The following ZNF208 variants were observed in gnomAD, a reference collection of about 807,000 sequenced individuals.
ZNF208 encodes the protein zinc finger protein 95.
ZNF208 carries 10 observed loss-of-function variants against 12.1 expected under a neutral mutation model. That is an observed-to-expected ratio of 0.83 (90% CI 0.51 to 1.40). The LOEUF is 1.40. ZNF208 is among the 40% of genes most tolerant of loss of function. The pLI is 0.00. For synonymous variants in ZNF208, 497 were observed against 488.4 expected (o/e 1.02, Z -0.23); for missense variants, 1,652 against 1,485.0 (o/e 1.11, Z -1.85).
downstream of ZNF208, among the ~76,000 whole-genome samples, chr19:21,965,042 A>G (rs1443982245): frequency 6.6e-6 from 1 of 151,954 alleles, no homozygotes; most frequent in African/African-American, 2.4e-5. Context: ...TATGTTTAAG[A>G]TTATGGATAC....
chr19:21,964,186 AC>A (rs1183955659), downstream of ZNF208, among the ~76,000 whole-genome samples: 3 of 151,902 alleles, frequency 2.0e-5, no homozygotes, highest in Admixed American at 2.0e-4. Flanking sequence ...AAGATATTGC[AC>A]CAGAGAAAAA....
downstream of ZNF208, among the ~76,000 whole-genome samples, chr19:21,961,314 C>T (rs140437689): frequency 2.6e-3 from 395 of 152,060 alleles, 2 homozygotes; most frequent in African/African-American, 8.5e-3. Context: ...AGGGGGTGTA[C>T]GAACAGGGAG....
In ZNF208 at chr19:21,972,152, C is replaced by G. The variant is rs2214301; in HGVS notation, c.2882G>C (p.Ser961Thr). The G allele has an allele frequency of 9.9e-6, 16 of 1,611,530 alleles. No individual in the cohort carries two copies. The highest frequency in any genetic ancestry group is 1.3e-5 in the African/African-American group (1 of 74,580). Reference sequence around the variant, plus strand: ...TTCAGTATGAATTTTCTTATGATAACTAAGGGTTGAGGATGACTTATAGGC... The same window carrying G: ...TTCAGTATGAATTTTCTTATGATAAGTAAGGGTTGAGGATGACTTATAGGC... ...GKAYKSSSTL[S>T]YHKKIHTEEK... The change falls in exon 4 of 4, where the codon AGT becomes ACT. Residue 961 changes from serine to threonine, a missense_variant. By Grantham distance (58) the Ser-to-Thr change is moderately conservative. Transcript: ENST00000397126.
chr19:21,973,381 T>A lies in ZNF208; in HGVS notation c.1653A>T (p.Lys551Asn). Residue 551 changes from lysine (K) to asparagine (N), a missense_variant, in exon 4 of 4, where the codon AAA (lysine) becomes AAT (asparagine). Around this residue, in one of 3 missense-constraint regions of ZNF208, gnomAD observed 1,239 missense variants for 1,086.2 expected, o/e 1.14. Coordinates refer to ENST00000397126, the MANE Select transcript of ZNF208 (RefSeq NM_007153.3). ...TGCCACATTCTTCACATTTGTAGGGTTTCTCTCCAGTATGAATTACCTTAT... is the reference window on the plus strand; with the variant it reads ...TGCCACATTCTTCACATTTGTAGGGATTCTCTCCAGTATGAATTACCTTAT... The part of the protein sequence containing the change: ...TKHKVIHTGE[K>N]PYKCEECGKA... The A allele has an allele frequency of 6.2e-7, 1 of 1,611,562 alleles. No homozygotes were observed.
rs771183438 is a variant in ZNF208 at position 21,971,393 on chromosome 19, T to C, written c.3641A>G (p.Tyr1214Cys). 4 of 1,610,112 alleles carry C rather than the reference T, an allele frequency of 2.5e-6. No homozygotes were observed. Among genetic ancestry groups the C allele is most frequent in the African/African-American group, 1.3e-5 (1 of 74,904 alleles). The change falls in exon 4 of 4, where the codon TAT (tyrosine) becomes TGT (cysteine). Residue 1214 changes from tyrosine (Y) to cysteine (C), a missense_variant. This residue lies in a region of ZNF208 where 1,239 missense variants were observed against 1,086.2 expected (regional missense o/e 1.14). Coordinates refer to ENST00000397126, the MANE Select transcript of ZNF208 (RefSeq NM_007153.3). ...KAYKWPSTLR[Y>C]HKKIHTGEKP... The stretch of plus-strand genomic sequence containing the variant: ...CTCTCCAGTATGAATTTTCTTGTGA[T>C]ATCTAAGGGTTGAGGGCCACTTATA...
chr19:21,962,206 G>T (rs572218117), downstream of ZNF208, among the ~76,000 whole-genome samples: 3 of 152,052 alleles, frequency 2.0e-5, no homozygotes, highest in South Asian at 6.2e-4. Flanking sequence ...CTCCATTTGG[G>T]GTCCTTGACT....
chr19:21,961,803 T>A (rs1986007), downstream of ZNF208, among the ~76,000 whole-genome samples: 269 of 152,278 alleles, frequency 1.8e-3, 2 homozygotes, highest in Middle Eastern at 0.027. Flanking sequence ...ATGGCTCTAT[T>A]CTGCCCTACC....
At chr19:21,962,880 G>A (rs1338904587), downstream of ZNF208, among the ~76,000 whole-genome samples, 2 of 151,912 alleles carry the variant, frequency 1.3e-5, no homozygotes, top group African/African-American at 4.8e-5. Flanking sequence ...AGCAGAAAAA[G>A]GAATATTATC....
chr19:21,950,533 A>T (rs1244570097), intron 4 of ZNF208, among the ~76,000 whole-genome samples: 2 of 144,750 alleles, frequency 1.4e-5, no homozygotes, highest in Non-Finnish European at 3.0e-5. Flanking sequence ...TCACTCTGTC[A>T]CCTAGGCTGG....
At chr19:21,951,202 T>A (rs578056268) in intron 4 of ZNF208, among the ~76,000 whole-genome samples, 32 of 152,210 alleles carry the variant, frequency 2.1e-4, no homozygotes, top group Non-Finnish European at 4.4e-4. Flanking sequence ...CCTAGTGACA[T>A]ATTAAAGTAA....
At chr19:21,988,400 G>C (rs1455848419) in intron 2 of ZNF208, among the ~76,000 whole-genome samples, 1 of 152,104 alleles carries the variant, frequency 6.6e-6, no homozygotes, top group African/African-American at 2.4e-5. Context: ...GCAGAATGTG[G>C]GCAAACTTGC....
chr19:21,962,296 G>T (rs1214757687), downstream of ZNF208, among the ~76,000 whole-genome samples: 3 of 152,044 alleles, frequency 2.0e-5, no homozygotes, highest in Non-Finnish European at 2.9e-5. Context: ...GTTAGCTGAG[G>T]TCTAGCTGTA....
intron 4 of ZNF208, among the ~76,000 whole-genome samples, chr19:21,960,655 T>C (rs1276064592): frequency 6.6e-6 from 1 of 152,148 alleles, no homozygotes; most frequent in African/African-American, 2.4e-5. Flanking sequence ...ACCCCACCTA[T>C]CCTGAATGTC....
chr19:21,983,670 C>A (rs1366995031), intron 3 of ZNF208, among the ~76,000 whole-genome samples: 1 of 151,794 alleles, frequency 6.6e-6, no homozygotes. Flanking sequence ...TACTAGGCAG[C>A]CATAAAAAAA....
At position 21,989,755 on chromosome 19, in the gene ZNF208, C is replaced by T. The variant is rs373553310; in HGVS notation, c.4-846G>A. 5.7e-3 allele frequency among the ~76,000 whole-genome samples: 862 copies of T among 152,118 alleles called. 1 individual carries two copies. Among genetic ancestry groups the T allele is most frequent in the African/African-American group, 0.019 (804 of 41,512 alleles). On this transcript the variant is annotated intron_variant, in intron 1 of 3. Coordinates refer to ENST00000397126, the MANE Select transcript of ZNF208 (RefSeq NM_007153.3). ...CCTCTCCAGCACCTGTTGTTTCCTG[C>T]CTTTTTAATGATTGTCATTCTAACT... is the stretch of plus-strand genomic sequence containing the variant.
At chr19:21,941,099 C>T (rs1202642909) in intron 4 of ZNF208, 1 of 352,108 alleles carries the variant, frequency 2.8e-6, no homozygotes, top group Non-Finnish European at 5.1e-6. Flanking sequence ...CCCTGTAAAC[C>T]AGGCCTTGCT....
chr19:21,951,293 T>C (rs1220877485), intron 4 of ZNF208, among the ~76,000 whole-genome samples: 6 of 152,166 alleles, frequency 3.9e-5, no homozygotes, highest in African/African-American at 1.4e-4. Context: ...AGGTTTTACA[T>C]TAAAGTTAAA....
chr19:21,954,768 T>C (rs1486702429), intron 4 of ZNF208, among the ~76,000 whole-genome samples: 3 of 152,218 alleles, frequency 2.0e-5, no homozygotes, highest in Non-Finnish European at 4.4e-5. Context: ...AACACACTGA[T>C]GGGTCTTGAC....
intron 4 of ZNF208, among the ~76,000 whole-genome samples, chr19:21,952,547 C>T (rs947999673): frequency 6.6e-6 from 1 of 152,182 alleles, no homozygotes; most frequent in Non-Finnish European, 1.5e-5. Context: ...TGGAGTGGAC[C>T]TCCAGAAAAT....
Sources: allele counts gnomAD v4.1 joint callset (sites outside exome capture counted in the v4.1 genomes callset), GRCh38; gene constraint gnomAD v4.1.1; regional missense constraint gnomAD v4.1.1; transcripts MANE v1.5; gene names NCBI Gene and HGNC (gene_info 2026-07-23, HGNC 2026-07-21).